Variants in PIK3C2G observed in about 807,000 individuals in gnomAD.
PIK3C2G encodes the protein phosphatidylinositol-4-phosphate 3-kinase catalytic subunit type 2 gamma.
A neutral mutation model predicts 181.1 loss-of-function variants in PIK3C2G; 168 were observed. The observed-to-expected ratio is 0.93, with a 90% confidence interval of 0.82 to 1.05. PIK3C2G has a LOEUF of 1.05. Among genes scored for constraint, PIK3C2G ranks in the 50% least tolerant of loss-of-function variants. The probability of loss-of-function intolerance (pLI) is 0.00; values close to 1 mark genes in which losing one functional copy is unlikely to be tolerated. For missense variants in PIK3C2G, 1,869 were observed against 1,732.8 expected, an observed-to-expected ratio of 1.08 and a Z score of -1.40; for synonymous variants, 573 against 592.2, an observed-to-expected ratio of 0.97 and a Z score of 0.47.
chr12:18,375,433 G>A (rs564934651), intron 13 of PIK3C2G, among the ~76,000 whole-genome samples: 15 of 152,308 alleles, frequency 9.8e-5, no homozygotes, highest in African/African-American at 3.4e-4. Context: ...CATCCAAGAG[G>A]TGGCCTGGCT....
At chr12:18,649,887 CCTT>C (rs1950342432), downstream of PIK3C2G, among the ~76,000 whole-genome samples, 1 of 151,994 alleles carries the variant, frequency 6.6e-6, no homozygotes, top group African/African-American at 2.4e-5. Flanking sequence ...TTTTGTTTCT[CCTT>C]CTTAGTCTTC....
chr12:18,380,017 C>A (rs927390789), intron 13 of PIK3C2G, among the ~76,000 whole-genome samples: 2 of 152,170 alleles, frequency 1.3e-5, no homozygotes, highest in African/African-American at 4.8e-5. Flanking sequence ...AGTTTAATGG[C>A]CATGCCACAA....
chr12:18,576,967 T>C (rs549415911), intron 29 of PIK3C2G, among the ~76,000 whole-genome samples: 1 of 152,246 alleles, frequency 6.6e-6, no homozygotes, highest in African/African-American at 2.4e-5. Context: ...ATAAAGCAGT[T>C]TGGAGACAAT....
Position 18,346,697 on chromosome 12 carries a change from G to A in PIK3C2G, c.1486G>A (p.Val496Ile). 4 of 1,613,230 alleles carry A rather than the reference G, an allele frequency of 2.5e-6. No homozygotes were observed. The highest frequency in any genetic ancestry group is 3.4e-6 in the Non-Finnish European group (4 of 1,179,338). ...CACATCCATCTACCAGCTAATCAAT[G>A]TCTACTGTAACAGCTTTTATGCAGA... ...LSTSIYQLIN[V>I]YCNSFYADFQ... The change falls in exon 11 of 33, where the codon GTC becomes ATC. Residue 496 changes from valine to isoleucine, a missense_variant. Val to Ile is a conservative substitution (Grantham distance 29). Transcript: ENST00000538779.
rs954230255 is a variant in PIK3C2G at position 18,391,227 on chromosome 12, C to T, written c.2101C>T (p.Leu701Phe). ...LKECIKHIAR[L>F]SQKQTPLLLS... is the part of the protein sequence containing the mutation. ...GGAGTGTATAAAACATATTGCCAGA[C>T]TTTCACAGAAACAGACTCCCCTACT... The change falls in exon 15 of 33, where the codon CTT (leucine) becomes TTT (phenylalanine). Residue 701 changes from leucine to phenylalanine, a missense_variant. Transcript: ENST00000538779. 10 of 1,595,956 alleles carry T rather than the reference C, an allele frequency of 6.3e-6. No homozygotes were observed. In the Admixed American group the frequency reaches 1.2e-4, roughly 19 times the overall value.
At chr12:18,392,544 A>C (rs972187725) in intron 15 of PIK3C2G, among the ~76,000 whole-genome samples, 2 of 152,074 alleles carry the variant, frequency 1.3e-5, no homozygotes, top group African/African-American at 4.8e-5. Context: ...AGTTCTTCAC[A>C]TTACTAAATT....
At chr12:18,688,854 A>G in the PIK3C2G span, among the ~76,000 whole-genome samples, 1 of 152,132 alleles carries the variant, frequency 6.6e-6, no homozygotes, top group Admixed American at 6.6e-5. Flanking sequence ...GAGATAGAAG[A>G]TATAAGCCTA....
At chr12:18,250,483 G>A (rs1948085578) in intron 1 of PIK3C2G, among the ~76,000 whole-genome samples, 1 of 152,010 alleles carries the variant, frequency 6.6e-6, no homozygotes, top group Non-Finnish European at 1.5e-5. Flanking sequence ...TTGACATTTA[G>A]AGAAGCATTT....
Position 18,379,381 on chromosome 12 carries a change from G to A in PIK3C2G, c.1881-2385G>A, listed in dbSNP as rs1314905203. On this transcript the variant is annotated intron_variant, in intron 13 of 32. Coordinates refer to ENST00000538779, the MANE Select transcript of PIK3C2G (RefSeq NM_001288772.2). ...GCCTGTCATGGGGTGGGGGGAGGGG[G>A]GAGGGATAGCATTAGCAGATATACC... Among the ~76,000 whole-genome samples the A allele has an allele frequency of 5.3e-5, 6 of 113,312 alleles. No homozygotes were observed. In the East Asian group the frequency reaches 2.0e-3, roughly 37 times the overall value. The allele number at this position is 113,312 out of a possible 152,430, so 74.3% of individuals were successfully genotyped here.
the PIK3C2G span, among the ~76,000 whole-genome samples, chr12:18,662,687 T>C: frequency 1.3e-5 from 2 of 152,134 alleles, no homozygotes; most frequent in African/African-American, 4.8e-5. Flanking sequence ...TGGAAAGATG[T>C]AATTTTGAAG....
intron 30 of PIK3C2G, among the ~76,000 whole-genome samples, chr12:18,600,670 C>G (rs1211998152): frequency 2.0e-5 from 3 of 152,016 alleles, no homozygotes; most frequent in Middle Eastern, 3.4e-3. Context: ...ACTACCTGTT[C>G]AACTCCATGA....
chr12:18,385,356 C>T (rs905615731), intron 14 of PIK3C2G, among the ~76,000 whole-genome samples: 16 of 151,958 alleles, frequency 1.1e-4, no homozygotes, highest in South Asian at 4.2e-4. Flanking sequence ...ATGTGCCGAC[C>T]GGAAGCAGTC....
chr12:18,658,765 A>G, the PIK3C2G span, among the ~76,000 whole-genome samples: 59,127 of 151,760 alleles, frequency 0.39, 11,682 homozygotes, highest in East Asian at 0.56. Flanking sequence ...TTTCACAGAG[A>G]GTAAAAAGGG....
At chr12:18,435,732 G>T (rs1264310517) in intron 18 of PIK3C2G, among the ~76,000 whole-genome samples, 1 of 151,888 alleles carries the variant, frequency 6.6e-6, no homozygotes, top group Non-Finnish European at 1.5e-5. Flanking sequence ...ATGCCCTGAT[G>T]ACTTTGCACA....
chr12:18,295,203 T>A (rs899378098), intron 5 of PIK3C2G, among the ~76,000 whole-genome samples: 1 of 151,626 alleles, frequency 6.6e-6, no homozygotes, highest in Non-Finnish European at 1.5e-5. Context: ...AGATATTCCC[T>A]TTTCCCTTTT....
At chr12:18,550,472 T>C (rs1944668710) in intron 26 of PIK3C2G, among the ~76,000 whole-genome samples, 1 of 151,920 alleles carries the variant, frequency 6.6e-6, no homozygotes, top group Admixed American at 6.6e-5. Context: ...TGATATCACA[T>C]GGATTTTAAA....
the PIK3C2G span, among the ~76,000 whole-genome samples, chr12:18,700,219 A>G: frequency 3.3e-5 from 5 of 152,030 alleles, no homozygotes; most frequent in African/African-American, 1.2e-4. Flanking sequence ...TTTCCTAAAG[A>G]TCTCAGTGTA....
chr12:18,414,086 A>G (rs1342742571), intron 16 of PIK3C2G, among the ~76,000 whole-genome samples: 1 of 152,130 alleles, frequency 6.6e-6, no homozygotes, highest in Admixed American at 6.6e-5. Flanking sequence ...GTTAAGCATA[A>G]ATTCTCCAGA....
chr12:18,248,339 G>A (rs1179079136), intron 1 of PIK3C2G, among the ~76,000 whole-genome samples: 1 of 152,130 alleles, frequency 6.6e-6, no homozygotes, highest in South Asian at 2.1e-4. Flanking sequence ...TTGGGAGGCC[G>A]AGGCGGGCAG....
Sources: gnomAD v4.1 joint callset for allele counts (sites outside exome capture counted in the v4.1 genomes callset) on GRCh38, gnomAD v4.1.1 for gene constraint, MANE v1.5 for transcripts, NCBI Gene and HGNC (gene_info 2026-07-23, HGNC 2026-07-21) for gene names.